Variants in ATAD5 observed in about 807,000 individuals in gnomAD.
The protein encoded by ATAD5 is ATPase family AAA domain-containing protein 5.
Under a neutral mutation model 176.9 loss-of-function variants are expected in ATAD5, and 58 were observed. The ratio of observed to expected loss-of-function variants is 0.33; its 90% CI spans 0.27 to 0.41. The LOEUF is 0.41. Ranked by LOEUF, ATAD5 falls within the 10% of genes least tolerant of loss-of-function variation. The pLI is 1.00. For synonymous variants in ATAD5, 640 were observed against 712.6 expected (o/e 0.90, Z 1.62); for missense variants, 1,789 against 2,094.1 (o/e 0.85, Z 2.84).
intron 6 of ATAD5, among the ~76,000 whole-genome samples, chr17:30,846,831 C>T (rs897335954): frequency 6.6e-6 from 1 of 151,128 alleles, no homozygotes; most frequent in African/African-American, 2.4e-5. Context: ...AGTGATTCTT[C>T]TGCCTCAGCT....
At chr17:30,854,592 A>G (rs1907182598) in intron 6 of ATAD5, among the ~76,000 whole-genome samples, 1 of 151,012 alleles carries the variant, frequency 6.6e-6, no homozygotes, top group African/African-American at 2.4e-5. Flanking sequence ...GGCTGGTCTC[A>G]AACTCCTGAC....
intron 14 of ATAD5, among the ~76,000 whole-genome samples, chr17:30,874,961 T>C (rs1389752260): frequency 6.6e-6 from 1 of 152,034 alleles, no homozygotes; most frequent in African/African-American, 2.4e-5. Context: ...ATTGCATCTC[T>C]TACCTGTGGT....
chr17:30,876,428 C>T lies in ATAD5; in HGVS notation c.3662C>T (p.Pro1221Leu). The T allele has an allele frequency of 6.2e-7, 1 of 1,606,264 alleles. No individual in the cohort carries two copies. Residue 1221 changes from proline (P) to leucine (L), a missense_variant, in exon 15 of 23, where the codon CCA (proline) becomes CTA (leucine). By Grantham distance (98) the Pro-to-Leu change is moderately conservative. Transcript: ENST00000321990. ...VVTSPRKVPP[P>L]SPKSSGPKRA... is the part of the protein sequence containing the mutation. Reference sequence around the variant, plus strand: ...ACATCACCAAGAAAAGTTCCTCCACCATCACCAAAAAGTAGTGGACCAAAG... The same window carrying T: ...ACATCACCAAGAAAAGTTCCTCCACTATCACCAAAAAGTAGTGGACCAAAG...
chr17:30,845,634 T>C (rs940915875), intron 6 of ATAD5, among the ~76,000 whole-genome samples: 11 of 152,182 alleles, frequency 7.2e-5, no homozygotes, highest in African/African-American at 2.7e-4. Flanking sequence ...TTTATCATTA[T>C]ATTAAGAGCA....
rs540236901 is a variant in ATAD5 at position 30,872,059 on chromosome 17, C to T, written c.3607+2413C>T. On this transcript the variant is annotated intron_variant, in intron 14 of 22. Transcript: ENST00000321990. ...TTAGCCTTTTGAGTAGCTAGGACTA[C>T]AGACCACCGCACTCAGCTAATTAAA... Among the ~76,000 whole-genome samples the T allele has an allele frequency of 1.6e-3, 243 of 152,184 alleles. 1 individual carries two copies. Among genetic ancestry groups the T allele is most frequent in the African/African-American group, 5.5e-3 (227 of 41,518 alleles).
rs761382924 is a variant in ATAD5, at chr17:30,869,547, C to T, written c.3508C>T (p.Gln1170Ter). Residue 1170 changes from glutamine (Q) to a stop codon, truncating the protein, a stop_gained, in exon 14 of 23, where the codon CAG becomes TAG. Coordinates refer to ENST00000321990, the MANE Select transcript of ATAD5 (RefSeq NM_024857.5). LOFTEE classifies it high-confidence loss of function. ...SQRSGRQILSQLKEATQSHQV... is the reference protein window; with the variant it reads ...SQRSGRQILS The stretch of plus-strand genomic sequence containing the variant: ...GCGCAGTGGTAGACAAATTCTATCT[C>T]AGTTGAAGGAAGCTACTCAGTCCCA... The T allele has an allele frequency of 3.7e-6, 6 of 1,612,676 alleles. No individual in the cohort carries two copies. The highest frequency in any genetic ancestry group is 5.1e-6 in the Non-Finnish European group (6 of 1,179,746).
At chr17:30,852,141 C>G (rs1212762294) in intron 6 of ATAD5, among the ~76,000 whole-genome samples, 1 of 152,086 alleles carries the variant, frequency 6.6e-6, no homozygotes, top group African/African-American at 2.4e-5. Context: ...TTTTTTGTCT[C>G]CTCAGTTTAT....
chr17:30,832,195 C>T lies in ATAD5; in HGVS notation c.-153C>T. ...CTGATCTGGGCCCAGCCTCCGCTCC[C>T]GCTCTCTGTCGGTGGGCGCGGGGGA... is the stretch of plus-strand genomic sequence containing the variant. On this transcript the variant is annotated 5_prime_UTR_variant, in exon 1 of 23. Transcript: ENST00000321990. The T allele has an allele frequency of 2.1e-6, 1 of 478,800 alleles. No homozygotes were observed. The highest frequency in any genetic ancestry group is 3.6e-6 in the Non-Finnish European group (1 of 279,816). 29.7% of individuals were successfully genotyped at this position (478,800 alleles called of 1,614,324 possible).
chr17:30,894,770 AATAC>A, intron 22 of ATAD5, 48 bp downstream of exon 22: 1 of 1,560,788 alleles, frequency 6.4e-7, no homozygotes, highest in African/African-American at 1.4e-5. Flanking sequence ...TTTCAAGATT[AATAC>A]ATATTTTCAT....
chr17:30,873,312 TTC>T (rs1194347890), intron 14 of ATAD5, among the ~76,000 whole-genome samples: 4 of 151,288 alleles, frequency 2.6e-5, no homozygotes, highest in Admixed American at 6.6e-5. Flanking sequence ...GGTGTGAAAT[TTC>T]TTTTTCTTTT....
intron 11 of ATAD5, 104 bp from the exon 12 acceptor site, chr17:30,868,229 G>T: frequency 1.1e-6 from 1 of 931,674 alleles, no homozygotes; most frequent in Non-Finnish European, 1.5e-6. Context: ...CAGTGGCAGA[G>T]AAACTAACAA....
chr17:30,854,618 C>A (rs2142357934), intron 6 of ATAD5, among the ~76,000 whole-genome samples: 1 of 151,886 alleles, frequency 6.6e-6, no homozygotes, highest in East Asian at 1.9e-4. Flanking sequence ...GTGATCCACC[C>A]TCCTCGGCCT....
chr17:30,859,347 TTTTTA>T (rs567246426), intron 9 of ATAD5, among the ~76,000 whole-genome samples: 4 of 152,244 alleles, frequency 2.6e-5, no homozygotes, highest in South Asian at 2.1e-4. Context: ...GATTCTTGCC[TTTTTA>T]TTTTATTTTA....
intron 19 of ATAD5, among the ~76,000 whole-genome samples, chr17:30,891,519 G>A (rs976470927): frequency 9.9e-6 from 1 of 101,166 alleles, no homozygotes; most frequent in African/African-American, 2.6e-5. Context: ...TTACAGGCAC[G>A]CACCACTATG....
At chr17:30,870,072 C>T (rs1908251260) in intron 14 of ATAD5, among the ~76,000 whole-genome samples, 1 of 152,040 alleles carries the variant, frequency 6.6e-6, no homozygotes, top group African/African-American at 2.4e-5. Context: ...TGTGATTGGG[C>T]CACTGCACTC....
At chr17:30,841,440 T>G (rs972302722) in intron 4 of ATAD5, among the ~76,000 whole-genome samples, 1 of 152,228 alleles carries the variant, frequency 6.6e-6, no homozygotes, top group Non-Finnish European at 1.5e-5. Flanking sequence ...ACTTAAACTT[T>G]GAGATCCTGC....
chr17:30,844,155 G>A (rs1272777366), intron 5 of ATAD5, 116 bp downstream of exon 5: 1 of 959,354 alleles, frequency 1.0e-6, no homozygotes, highest in African/African-American at 1.7e-5. Context: ...TTGAGACGGA[G>A]TCTCGCTTTG....
intron 18 of ATAD5, among the ~76,000 whole-genome samples, chr17:30,883,894 T>G (rs947965545): frequency 9.9e-5 from 15 of 152,150 alleles, no homozygotes; most frequent in African/African-American, 3.6e-4. Context: ...ATGTGACTCC[T>G]AGACAATTTA....
Position 30,844,940 on chromosome 17 carries a change from A to G in ATAD5, c.2450+24A>G, listed in dbSNP as rs747651556. 2.0e-6 allele frequency: 3 copies of G among 1,520,158 alleles called. No homozygotes were observed. In the South Asian group the frequency reaches 3.6e-5, roughly 18 times the overall value. The allele number at this position is 1,520,158 out of a possible 1,614,324, so 94.2% of individuals were successfully genotyped here. A position where few individuals can be genotyped will look rare whatever the true frequency, so the allele number is the denominator to read the frequency against. On this transcript the variant is annotated intron_variant, in intron 6 of 22. Coordinates refer to ENST00000321990, the MANE Select transcript of ATAD5 (RefSeq NM_024857.5). ...AGGTCAGTCCAATACAAATTTTTAA[A>G]TGCCAAAATATTTTATAGAATGTAT...
Sources: allele counts gnomAD v4.1 joint callset (sites outside exome capture counted in the v4.1 genomes callset), GRCh38; gene constraint gnomAD v4.1.1; transcripts MANE v1.5; gene names NCBI Gene and HGNC (gene_info 2026-07-23, HGNC 2026-07-21).